The following NTS variants were observed in gnomAD, a reference collection of about 807,000 sequenced individuals.
The protein encoded by NTS is neurotensin.
Under a neutral mutation model 19.5 loss-of-function variants are expected in NTS, and 20 were observed. That is an observed-to-expected ratio of 1.02 (90% confidence interval 0.72 to 1.49). The LOEUF (loss-of-function observed/expected upper bound fraction) is 1.49, where lower values mean the gene tolerates loss of function less well. NTS is among the 40% of genes most tolerant of loss of function. The pLI is 0.00. For missense variants in NTS, 215 were observed against 193.1 expected, an observed-to-expected ratio of 1.11 and a Z score of -0.67; for synonymous variants, 71 against 63.3, an observed-to-expected ratio of 1.12 and a Z score of -0.58.
chr12:85,880,327 ATTCTT>A (rs1881474046), intron 3 of NTS, among the ~76,000 whole-genome samples: 1 of 152,146 alleles, frequency 6.6e-6, no homozygotes, highest in Admixed American at 6.5e-5. Context: ...AGAAAAATAA[ATTCTT>A]TAACAAAATC....
chr12:85,874,397 C>T lies in NTS; in HGVS notation c.-7C>T. 6.2e-7 allele frequency: 1 copy of T among 1,611,436 alleles called. No homozygotes were observed. Among genetic ancestry groups the T allele is most frequent in the Middle Eastern group, 1.7e-4 (1 of 6,046 alleles). The stretch of plus-strand genomic sequence containing the variant: ...TTTACGGACTTGGCTTGTTAGAAGG[C>T]TGAAAGATGATGGCAGGAATGAAAA... On this transcript the variant is annotated 5_prime_UTR_variant, in exon 1 of 4. Transcript: ENST00000256010.
At chr12:85,877,236 A>G (rs1343767023) in intron 2 of NTS, among the ~76,000 whole-genome samples, 1 of 152,066 alleles carries the variant, frequency 6.6e-6, no homozygotes, top group East Asian at 1.9e-4. Context: ...GGATTAGTTC[A>G]CCTTGCTTAC....
intron 2 of NTS, 57 bp from the exon 3 acceptor site, chr12:85,878,288 A>AT: frequency 7.9e-7 from 1 of 1,271,634 alleles, no homozygotes; most frequent in Non-Finnish European, 1.1e-6. Context: ...CTAGGAATTC[A>AT]TTTCTTGCTC....
intron 3 of NTS, among the ~76,000 whole-genome samples, chr12:85,880,506 T>C (rs1033070599): frequency 2.0e-5 from 3 of 151,138 alleles, no homozygotes; most frequent in Non-Finnish European, 3.0e-5. Flanking sequence ...ACCAAAGAGC[T>C]ACCCTGTGGA....
chr12:85,881,048 C>T (rs912323826), intron 3 of NTS, among the ~76,000 whole-genome samples: 4 of 152,006 alleles, frequency 2.6e-5, no homozygotes, highest in Non-Finnish European at 5.9e-5. Flanking sequence ...CCAAAAAAAC[C>T]TCAGTAAACT....
chr12:85,874,504 C>T (rs753335192), intron 1 of NTS, 28 bp downstream of exon 1: 6 of 1,504,734 alleles, frequency 4.0e-6, no homozygotes, highest in Non-Finnish European at 5.6e-6. Flanking sequence ...TCACAACTCC[C>T]TGAAGTGATT....
chr12:85,875,291 A>G (rs1881315849), intron 1 of NTS, among the ~76,000 whole-genome samples: 1 of 152,146 alleles, frequency 6.6e-6, no homozygotes, highest in African/African-American at 2.4e-5. Flanking sequence ...AACCATTGCA[A>G]AAGGCTCTAC....
Position 85,878,364 on chromosome 12 carries a change from C to T in NTS, c.155C>T (p.Pro52Leu), listed in dbSNP as rs1372950942. 2 of 1,600,816 alleles carry T rather than the reference C, an allele frequency of 1.2e-6. No individual in the cohort carries two copies. Among genetic ancestry groups the T allele is most frequent in the South Asian group, 1.1e-5 (1 of 88,602 alleles). The change falls in exon 3 of 4, where the codon CCC (proline) becomes CTC (leucine). Residue 52 changes from proline (P) to leucine (L), a missense_variant. Pro to Leu is a moderately conservative substitution (Grantham distance 98). Coordinates refer to ENST00000256010, the MANE Select transcript of NTS (RefSeq NM_006183.5). ...HTSKISKAHVPSWKMTLLNVC... is the reference protein window; with the variant it reads ...HTSKISKAHVLSWKMTLLNVC... ...TTTCAGATTAGTAAAGCACATGTTCCCTCTTGGAAGATGACTCTGCTAAAT... is the reference window on the plus strand; with the variant it reads ...TTTCAGATTAGTAAAGCACATGTTCTCTCTTGGAAGATGACTCTGCTAAAT...
At chr12:85,881,677 T>A (rs1025674902) in intron 3 of NTS, among the ~76,000 whole-genome samples, 4 of 152,162 alleles carry the variant, frequency 2.6e-5, no homozygotes, top group Non-Finnish European at 1.5e-5. Context: ...ACTGACGAAG[T>A]TGGATAAAGC....
rs765055317 is a variant in NTS at position 85,882,351 on chromosome 12, C to T, written c.489C>T (p.Leu163=). The T allele has an allele frequency of 6.3e-7, 1 of 1,583,868 alleles. No individual in the cohort carries two copies. The change falls in exon 4 of 4, where the codon CTC becomes CTT. Residue 163 remains leucine (L), a synonymous_variant. Transcript: ENST00000256010. ...ATAAACCCAGAAGACCCTACATACT[C>T]AAAAGAGATTCTTACTATTACTGAG... ...YENKPRRPYI[L]KRDSYYY
Position 85,874,353 on chromosome 12 carries a change from C to T in NTS, c.-51C>T, listed in dbSNP as rs1881281683. The T allele has an allele frequency of 3.0e-6, 4 of 1,329,580 alleles. No individual in the cohort carries two copies. Among genetic ancestry groups the T allele is most frequent in the Admixed American group, 1.7e-5 (1 of 59,524 alleles). The allele number at this position is 1,329,580 out of a possible 1,614,324, so 82.4% of individuals were successfully genotyped here. On this transcript the variant is annotated 5_prime_UTR_variant, in exon 1 of 4. Coordinates refer to ENST00000256010, the MANE Select transcript of NTS (RefSeq NM_006183.5). ...AAGAGGAAGTGCTAGAGAGAGCCCC[C>T]TTCAGTGTGCTTCTGACTTTTACGG...
chr12:85,880,179 C>T (rs954999459), intron 3 of NTS, among the ~76,000 whole-genome samples: 7 of 151,880 alleles, frequency 4.6e-5, no homozygotes, highest in South Asian at 2.1e-4. Context: ...TATAAATACA[C>T]ACAAAACTTA....
At chr12:85,877,734 G>A (rs1282123354) in intron 2 of NTS, among the ~76,000 whole-genome samples, 1 of 151,934 alleles carries the variant, frequency 6.6e-6, no homozygotes, top group African/African-American at 2.4e-5. Flanking sequence ...AATACCAATG[G>A]CTACAACCTC....
chr12:85,880,445 T>TG, intron 3 of NTS, among the ~76,000 whole-genome samples: 1 of 152,154 alleles, frequency 6.6e-6, no homozygotes, highest in Non-Finnish European at 1.5e-5. Context: ...ACACTAACAT[T>TG]GGGGATCTGA....
At chr12:85,876,902 A>G (rs886575244) in intron 2 of NTS, among the ~76,000 whole-genome samples, 1 of 152,080 alleles carries the variant, frequency 6.6e-6, no homozygotes, top group Admixed American at 6.6e-5. Context: ...TTATAATTCT[A>G]TCAATCAGCA....
chr12:85,876,463 C>T (rs575789066), intron 1 of NTS, among the ~76,000 whole-genome samples, 177 bp from the exon 2 acceptor site: 15 of 151,940 alleles, frequency 9.9e-5, no homozygotes, highest in Non-Finnish European at 1.5e-4. Flanking sequence ...ACTATTTTAG[C>T]TTCCTATTAT....
At chr12:85,880,291 TGTC>T (rs1378296672) in intron 3 of NTS, among the ~76,000 whole-genome samples, 1 of 152,028 alleles carries the variant, frequency 6.6e-6, no homozygotes, top group Non-Finnish European at 1.5e-5. Context: ...TATAGAACAA[TGTC>T]AGGATAAAGA....
chr12:85,874,478 T>G lies in NTS; in HGVS notation c.73+2T>G. 1 of 1,606,974 alleles carries G rather than the reference T, an allele frequency of 6.2e-7. No homozygotes were observed. Among genetic ancestry groups the G allele is most frequent in the Non-Finnish European group, 8.5e-7 (1 of 1,173,612 alleles). On this transcript the variant is annotated splice_donor_variant, in intron 1 of 3. Coordinates refer to ENST00000256010, the MANE Select transcript of NTS (RefSeq NM_006183.5). LOFTEE classifies it high-confidence loss of function. ...TCAGCTCCTGGAGTCTGTGCTCAGG[T>G]AAGCAAAACAGAATTTCACAACTCC... is the stretch of plus-strand genomic sequence containing the variant.
At chr12:85,875,092 C>T (rs1413824858) in intron 1 of NTS, among the ~76,000 whole-genome samples, 1 of 152,058 alleles carries the variant, frequency 6.6e-6, no homozygotes, top group Non-Finnish European at 1.5e-5. Flanking sequence ...AACTGTTTGG[C>T]ATTTTTTCCA....
Sources: allele counts gnomAD v4.1 joint callset (sites outside exome capture counted in the v4.1 genomes callset), GRCh38; gene constraint gnomAD v4.1.1; transcripts MANE v1.5; gene names NCBI Gene and HGNC (gene_info 2026-07-23, HGNC 2026-07-21).